Variants in MYL12A observed in about 807,000 individuals in gnomAD.
MYL12A encodes myosin light chain 12A.
A neutral mutation model predicts 13.3 loss-of-function variants in MYL12A; 11 were observed. That is an observed-to-expected ratio of 0.83 (90% CI 0.52 to 1.37). The LOEUF is 1.37. Ranked by LOEUF, MYL12A falls within the 40% of genes most tolerant of loss-of-function variation. MYL12A has a pLI of 0.00. For synonymous variants in MYL12A, 51 were observed against 69.9 expected (o/e 0.73, Z 1.35); for missense variants, 146 against 212.3 (o/e 0.69, Z 1.94).
chr18:3,252,097 A>C (rs201601766), intron 1 of MYL12A: 1 of 437,328 alleles, frequency 2.3e-6, no homozygotes. Flanking sequence ...GTGGTAGTTC[A>C]TTCTTTGCAG....
At chr18:3,251,334 TA>T (rs1374035663) in intron 1 of MYL12A, among the ~76,000 whole-genome samples, 1 of 151,938 alleles carries the variant, frequency 6.6e-6, no homozygotes, top group East Asian at 1.9e-4. Context: ...TTTTATATAA[TA>T]GATTAAAAAA....
At chr18:3,255,392 A>C (rs2144334251) in intron 3 of MYL12A, 1 of 171,002 alleles carries the variant, frequency 5.8e-6, no homozygotes, top group South Asian at 1.8e-4. Context: ...TTGTAGAATA[A>C]GATGTGACCA....
At chr18:3,254,160 AT>A (rs1178530463) in intron 3 of MYL12A, 110 bp downstream of exon 3, 10 of 1,230,602 alleles carry the variant, frequency 8.1e-6, no homozygotes, top group Non-Finnish European at 1.1e-5. Context: ...TACTACACCT[AT>A]TTTTTTAGAC....
Position 3,254,034 on chromosome 18 carries a change from T to C in MYL12A, c.327T>C (p.Phe109=), listed in dbSNP as rs2081513891. ...EDVIRNAFAC[F]DEEATGTIQE... is the part of the protein sequence containing the mutation. The stretch of plus-strand genomic sequence containing the variant: ...TCATCAGAAATGCCTTTGCTTGCTT[T>C]GATGAAGAAGCAACTGGTAAGTGAG... Residue 109 remains phenylalanine (F), a synonymous_variant, in exon 3 of 4, where the codon TTT becomes TTC. Coordinates refer to ENST00000217652, the MANE Select transcript of MYL12A (RefSeq NM_006471.4). 2 of 1,612,090 alleles carry C rather than the reference T, an allele frequency of 1.2e-6. No homozygotes were observed. The highest frequency in any genetic ancestry group is 2.7e-5 in the African/African-American group (2 of 74,818).
intron 3 of MYL12A, among the ~76,000 whole-genome samples, chr18:3,254,768 T>C (rs1427715128): frequency 1.3e-5 from 2 of 152,222 alleles, no homozygotes; most frequent in African/African-American, 4.8e-5. Context: ...AGAGAAAACA[T>C]AATGAGGGAA....
rs376149405 is a variant in MYL12A at position 3,253,447 on chromosome 18, A to G, written c.181+19A>G. On this transcript the variant is annotated intron_variant, in intron 2 of 3. Coordinates refer to ENST00000217652, the MANE Select transcript of MYL12A (RefSeq NM_006471.4). ...TCATTGGGTAATGCTCAGTTTAAAT[A>G]TTAATCTATTGGATAGAATTTCCAT... 6.2e-7 allele frequency: 1 copy of G among 1,608,670 alleles called. No individual in the cohort carries two copies. The highest frequency in any genetic ancestry group is 1.3e-5 in the African/African-American group (1 of 74,782).
At chr18:3,249,924 TA>T (rs2081468202) in intron 1 of MYL12A, 1 of 151,940 alleles carries the variant, frequency 6.6e-6, no homozygotes, top group Non-Finnish European at 1.5e-5. Context: ...AATAAATAAG[TA>T]AATAAAGACT....
At chr18:3,252,627 G>T (rs1215974730) in intron 1 of MYL12A, 2 of 434,796 alleles carry the variant, frequency 4.6e-6, no homozygotes, top group Non-Finnish European at 7.2e-6. Flanking sequence ...AACTGGTTTG[G>T]ATAGAGTGCA....
intron 1 of MYL12A, 69 bp from the exon 2 acceptor site, chr18:3,253,161 CATT>C: frequency 6.8e-7 from 1 of 1,479,766 alleles, no homozygotes; most frequent in Non-Finnish European, 9.2e-7. Flanking sequence ...TTTTGTTAAT[CATT>C]GTTTTGATTC....
At chr18:3,254,439 G>T (rs1349279688) in intron 3 of MYL12A, among the ~76,000 whole-genome samples, 1 of 152,164 alleles carries the variant, frequency 6.6e-6, no homozygotes, top group Non-Finnish European at 1.5e-5. Flanking sequence ...CTCTCAAATT[G>T]TTTAAATCTG....
chr18:3,254,286 A>G (rs2081516859), intron 3 of MYL12A, among the ~76,000 whole-genome samples: 1 of 152,128 alleles, frequency 6.6e-6, no homozygotes, highest in African/African-American at 2.4e-5. Context: ...CCCCTTTCCT[A>G]CCATGTTAAC....
intron 1 of MYL12A, chr18:3,248,237 G>A (rs1184405992): frequency 2.1e-5 from 2 of 96,032 alleles, no homozygotes; most frequent in African/African-American, 5.9e-5. Flanking sequence ...GATTCAAGAG[G>A]GTTTGCGCAA....
intron 1 of MYL12A, chr18:3,252,110 C>T: frequency 2.2e-6 from 1 of 458,426 alleles, no homozygotes. Context: ...CTTTGCAGTC[C>T]ACAGACTTAT....
At chr18:3,252,168 T>G (rs2081492470) in intron 1 of MYL12A, 1 of 560,520 alleles carries the variant, frequency 1.8e-6, no homozygotes. Flanking sequence ...CTAAATGTTG[T>G]TTTCAGAACG....
At chr18:3,250,937 C>T (rs1598796187) in intron 1 of MYL12A, among the ~76,000 whole-genome samples, 1 of 152,140 alleles carries the variant, frequency 6.6e-6, no homozygotes, top group Non-Finnish European at 1.5e-5. Context: ...CATCTCATTT[C>T]TTTATAGTTG....
chr18:3,253,020 TCAG>T (rs1472957099), intron 1 of MYL12A, among the ~76,000 whole-genome samples: 1 of 152,184 alleles, frequency 6.6e-6, no homozygotes, highest in African/African-American at 2.4e-5. Context: ...TGTTATCAAA[TCAG>T]CAGATTTGGT....
chr18:3,254,092 T>G (rs774775287), intron 3 of MYL12A, 42 bp downstream of exon 3: 3 of 1,589,092 alleles, frequency 1.9e-6, no homozygotes, highest in Non-Finnish European at 2.6e-6. Flanking sequence ...GATTTAATTT[T>G]TAGTTATGGT....
chr18:3,253,564 TTC>T, intron 2 of MYL12A, 136 bp downstream of exon 2: 1 of 1,140,962 alleles, frequency 8.8e-7, no homozygotes, highest in Non-Finnish European at 1.2e-6. Flanking sequence ...GGAACAGTGT[TTC>T]CCACCGGATC....
At chr18:3,251,323 A>G (rs1329353749) in intron 1 of MYL12A, among the ~76,000 whole-genome samples, 2 of 147,408 alleles carry the variant, frequency 1.4e-5, no homozygotes, top group African/African-American at 2.5e-5. Context: ...GTTATATGAG[A>G]TTTTATATAA....
Sources: allele counts gnomAD v4.1 joint callset (sites outside exome capture counted in the v4.1 genomes callset), GRCh38; gene constraint gnomAD v4.1.1; transcripts MANE v1.5; gene names NCBI Gene and HGNC (gene_info 2026-07-23, HGNC 2026-07-21).